Variants in LRRIQ1 observed in about 807,000 individuals in gnomAD.
LRRIQ1 encodes the protein leucine-rich repeat- and IQ domain-containing protein 1.
Under a neutral mutation model 211.9 loss-of-function variants are expected in LRRIQ1, and 210 were observed. That is an observed-to-expected ratio of 0.99 (90% CI 0.89 to 1.11). The LOEUF is 1.11. Among genes scored for constraint, LRRIQ1 ranks in the 50% most tolerant of loss-of-function variants. LRRIQ1 has a pLI of 0.00. For missense variants in LRRIQ1, 2,136 were observed against 1,939.5 expected (o/e 1.10, Z -1.90); for synonymous variants, 699 against 650.1 (o/e 1.08, Z -1.14).
chr12:85,098,598 T>A, intron 12 of LRRIQ1, 50 bp downstream of exon 12: 1 of 1,439,178 alleles, frequency 6.9e-7, no homozygotes, highest in Non-Finnish European at 9.5e-7. Context: ...CACTTTTCTT[T>A]TGATAGAAAT....
intron 24 of LRRIQ1, among the ~76,000 whole-genome samples, chr12:85,174,721 A>AAAAAAAAAAAAAAAC (rs1349958202): frequency 6.7e-6 from 1 of 150,044 alleles, no homozygotes; most frequent in Non-Finnish European, 1.5e-5. Flanking sequence ...AAAAAAAAAA[A>AAAAAAAAAAAAAAAC]AATCTGAGAT....
chr12:85,124,704 T>A (rs1461019844), intron 17 of LRRIQ1, 185 bp downstream of exon 17: 2 of 540,910 alleles, frequency 3.7e-6, no homozygotes, highest in Non-Finnish European at 6.5e-6. Flanking sequence ...TTAATTATAG[T>A]GCATATTAAT....
At chr12:85,174,159 T>C (rs1031686565) in intron 24 of LRRIQ1, among the ~76,000 whole-genome samples, 2 of 151,898 alleles carry the variant, frequency 1.3e-5, no homozygotes, top group Non-Finnish European at 2.9e-5. Flanking sequence ...AAGAATACCA[T>C]TAATATTTTA....
intron 11 of LRRIQ1, among the ~76,000 whole-genome samples, chr12:85,087,168 C>T (rs1357259400): frequency 6.6e-6 from 1 of 151,972 alleles, no homozygotes; most frequent in African/African-American, 2.4e-5. Flanking sequence ...GTTCAATTCC[C>T]ACCTATGAGT....
downstream of LRRIQ1, among the ~76,000 whole-genome samples, chr12:85,264,992 A>G (rs1896391477): frequency 6.6e-6 from 1 of 152,074 alleles, no homozygotes; most frequent in South Asian, 2.1e-4. Context: ...AGTGCTAGGT[A>G]GGGGGTGTTT....
At chr12:85,138,220 G>A (rs1020276241) in intron 19 of LRRIQ1, among the ~76,000 whole-genome samples, 1 of 151,270 alleles carries the variant, frequency 6.6e-6, no homozygotes, top group African/African-American at 2.4e-5. Context: ...TCAAAATTAG[G>A]GAATTAACAT....
At chr12:85,123,020 C>T (rs1179738170) in intron 16 of LRRIQ1, among the ~76,000 whole-genome samples, 1 of 151,840 alleles carries the variant, frequency 6.6e-6, no homozygotes, top group East Asian at 1.9e-4. Flanking sequence ...GTAAAATAGA[C>T]TATATTTTAT....
chr12:85,040,581 T>C lies in LRRIQ1; in HGVS notation c.224T>C (p.Leu75Pro), dbSNP rs764901689. 3 of 1,587,414 alleles carry C rather than the reference T, an allele frequency of 1.9e-6. No homozygotes were observed. Among genetic ancestry groups the C allele is most frequent in the Non-Finnish European group, 8.6e-7 (1 of 1,159,852 alleles). Residue 75 changes from leucine to proline, a missense_variant, in exon 3 of 27, where the codon CTG becomes CCG. Transcript: ENST00000393217. ...KAVEELILQD[L>P]EDTDILSCSY... Reference sequence around the variant, plus strand: ...GTTGAAGAGCTCATTCTTCAGGACCTGGAAGATACTGATATTTTAAGTAAG... The same window carrying C: ...GTTGAAGAGCTCATTCTTCAGGACCCGGAAGATACTGATATTTTAAGTAAG...
chr12:85,137,966 T>G lies in LRRIQ1; in HGVS notation c.4326T>G (p.Asp1442Glu). Residue 1442 changes from aspartate to glutamate, a missense_variant, in exon 19 of 27, where the codon GAT (aspartate) becomes GAG (glutamate). Transcript: ENST00000393217. Reference sequence around the variant, plus strand: ...TAGATTTAGAGGATTTTATATTTGATGAAGTAAGTACGAACTATAGTATAT... The same window carrying G: ...TAGATTTAGAGGATTTTATATTTGAGGAAGTAAGTACGAACTATAGTATAT... ...REIDLEDFIF[D>E]EAALEEEWLA... is the part of the protein sequence containing the mutation. 7.1e-7 allele frequency: 1 copy of G among 1,413,882 alleles called. No homozygotes were observed. The highest frequency in any genetic ancestry group is 9.9e-7 in the Non-Finnish European group (1 of 1,013,774). 87.6% of individuals were successfully genotyped at this position (1,413,882 alleles called of 1,614,324 possible).
chr12:85,218,741 T>C (rs1894267592), intron 24 of LRRIQ1, among the ~76,000 whole-genome samples: 1 of 152,058 alleles, frequency 6.6e-6, no homozygotes, highest in South Asian at 2.1e-4. Flanking sequence ...ATAAATTCCA[T>C]GGCTACTGGG....
intron 24 of LRRIQ1, among the ~76,000 whole-genome samples, chr12:85,227,165 A>G (rs904447339): frequency 1.3e-5 from 2 of 152,040 alleles, no homozygotes; most frequent in African/African-American, 2.4e-5. Context: ...CAACAGTGTA[A>G]AAGTGTTCCT....
At chr12:85,156,916 G>A (rs191784207) in intron 23 of LRRIQ1, among the ~76,000 whole-genome samples, 3 of 151,916 alleles carry the variant, frequency 2.0e-5, no homozygotes, top group Admixed American at 2.0e-4. Flanking sequence ...AGGAAATGGA[G>A]CACAATTGCA....
chr12:85,210,270 G>T (rs548223814), intron 24 of LRRIQ1, among the ~76,000 whole-genome samples: 5 of 152,198 alleles, frequency 3.3e-5, no homozygotes, highest in Non-Finnish European at 5.9e-5. Context: ...ACATTCTGAA[G>T]AATAGCTTTT....
rs369194962 is a variant in LRRIQ1, at chr12:85,084,823, G to A, written c.2887+11725G>A. 1.2e-4 allele frequency among the ~76,000 whole-genome samples: 18 copies of A among 152,078 alleles called. No homozygotes were observed. The East Asian group carries it at 1.7e-3, about 15-fold the overall frequency. Reference sequence around the variant, plus strand: ...TGCCTGTAGTCCCAGTTACTTGGTAGGCTGAGGTGGAAGGATCACTTGAAC... The same window carrying A: ...TGCCTGTAGTCCCAGTTACTTGGTAAGCTGAGGTGGAAGGATCACTTGAAC... On this transcript the variant is annotated intron_variant, in intron 11 of 26. Transcript: ENST00000393217.
chr12:85,159,325 C>T (rs1890732353), intron 23 of LRRIQ1, among the ~76,000 whole-genome samples: 1 of 151,774 alleles, frequency 6.6e-6, no homozygotes, highest in Non-Finnish European at 1.5e-5. Flanking sequence ...TTATATATTG[C>T]AGTAAATTTT....
intron 15 of LRRIQ1, among the ~76,000 whole-genome samples, chr12:85,116,217 A>G (rs1887564235): frequency 1.3e-5 from 2 of 152,118 alleles, no homozygotes; most frequent in African/African-American, 2.4e-5. Flanking sequence ...ATCTCGGCTC[A>G]CTGCAAGCTC....
intron 12 of LRRIQ1, 48 bp from the exon 13 acceptor site, chr12:85,098,819 A>T (rs376911282): frequency 3.7e-6 from 5 of 1,361,342 alleles, no homozygotes; most frequent in Non-Finnish European, 5.0e-6. Flanking sequence ...GGGCTAAATG[A>T]TAAAATATTT....
intron 24 of LRRIQ1, among the ~76,000 whole-genome samples, chr12:85,217,508 A>ATATATGTG (rs1216212048): frequency 4.7e-5 from 3 of 64,268 alleles, no homozygotes; most frequent in Admixed American, 4.5e-4. Flanking sequence ...ATATATATAT[A>ATATATGTG]TGTGTGTGTG....
At chr12:85,069,525 C>A (rs1259985259) in intron 10 of LRRIQ1, among the ~76,000 whole-genome samples, 1 of 152,020 alleles carries the variant, frequency 6.6e-6, no homozygotes, top group Non-Finnish European at 1.5e-5. Context: ...CGCTGACTTC[C>A]ACAATGGTTG....
Sources: allele counts gnomAD v4.1 joint callset (sites outside exome capture counted in the v4.1 genomes callset), GRCh38; gene constraint gnomAD v4.1.1; transcripts MANE v1.5; gene names NCBI Gene and HGNC (gene_info 2026-07-23, HGNC 2026-07-21).